The following GPATCH2 variants were observed in gnomAD, a reference collection of about 807,000 sequenced individuals.
GPATCH2 encodes the protein G patch domain-containing protein 2.
GPATCH2 carries 51 observed loss-of-function variants against 58.0 expected under a neutral mutation model. The observed-to-expected ratio is 0.88, with a 90% CI of 0.70 to 1.11. The LOEUF (loss-of-function observed/expected upper bound fraction) is 1.11. Ranked by LOEUF, GPATCH2 falls within the 50% of genes most tolerant of loss-of-function variation. The pLI, the probability that GPATCH2 is intolerant of heterozygous loss-of-function variation, is 0.00. For missense variants in GPATCH2, 625 were observed against 652.2 expected (o/e 0.96, Z 0.45); for synonymous variants, 222 against 218.5 (o/e 1.02, Z -0.14).
At chr1:217,597,428 AG>A (rs1437419475) in intron 5 of GPATCH2, among the ~76,000 whole-genome samples, 14 of 152,062 alleles carry the variant, frequency 9.2e-5, no homozygotes, top group Non-Finnish European at 2.1e-4. Context: ...TATATGCAAC[AG>A]GGTGGGGAGA....
chr1:217,485,550 T>G lies in GPATCH2; in HGVS notation c.1277+6130A>C, dbSNP rs144021060. ...AACTTTCTCCACTGACTTTGTAAATTGGTGAAAATCAGTTAGTTGTCTGTG... is the reference window on the plus strand; with the variant it reads ...AACTTTCTCCACTGACTTTGTAAATGGGTGAAAATCAGTTAGTTGTCTGTG... On this transcript the variant is annotated intron_variant, in intron 8 of 9. Coordinates refer to ENST00000366935, the MANE Select transcript of GPATCH2 (RefSeq NM_018040.5). Among the ~76,000 whole-genome samples, 16 of 152,190 alleles carry G rather than the reference T, an allele frequency of 1.1e-4. No individual in the cohort carries two copies. In the East Asian group the frequency reaches 3.1e-3, roughly 29 times the overall value.
intron 5 of GPATCH2, among the ~76,000 whole-genome samples, chr1:217,551,876 T>C (rs1270962797): frequency 1.3e-5 from 2 of 152,188 alleles, no homozygotes; most frequent in East Asian, 1.9e-4. Flanking sequence ...TAACTACATA[T>C]CATGTAACAT....
At chr1:217,444,135 C>T (rs193080985) in intron 9 of GPATCH2, among the ~76,000 whole-genome samples, 7 of 152,306 alleles carry the variant, frequency 4.6e-5, no homozygotes, top group Non-Finnish European at 7.4e-5. Context: ...GGTCACAAAT[C>T]TTCAGAGAGT....
intron 8 of GPATCH2, among the ~76,000 whole-genome samples, chr1:217,453,179 AGGTGAT>A (rs1659750575): frequency 6.6e-6 from 1 of 152,234 alleles, no homozygotes; most frequent in African/African-American, 2.4e-5. Context: ...ATACTACTCA[AGGTGAT>A]GGTCGGCATT....
chr1:217,621,851 C>T (rs1669205894), intron 1 of GPATCH2, among the ~76,000 whole-genome samples: 1 of 152,220 alleles, frequency 6.6e-6, no homozygotes, highest in South Asian at 2.1e-4. Context: ...CAGCTTCTAA[C>T]ATTTGCGCAT....
At chr1:217,617,155 T>C (rs1030360071) in intron 2 of GPATCH2, among the ~76,000 whole-genome samples, 1 of 152,218 alleles carries the variant, frequency 6.6e-6, no homozygotes, top group African/African-American at 2.4e-5. Context: ...CTATTTACCA[T>C]AGCAGATAGA....
chr1:217,453,018 A>G (rs1659743936), intron 8 of GPATCH2, among the ~76,000 whole-genome samples: 1 of 152,144 alleles, frequency 6.6e-6, no homozygotes. Flanking sequence ...TACAAATGAC[A>G]CTAAGTAAGG....
At chr1:217,603,414 C>A (rs1398183621) in intron 5 of GPATCH2, among the ~76,000 whole-genome samples, 2 of 152,050 alleles carry the variant, frequency 1.3e-5, no homozygotes, top group Non-Finnish European at 2.9e-5. Flanking sequence ...AACAAATATA[C>A]TACTGTATTG....
intron 5 of GPATCH2, among the ~76,000 whole-genome samples, chr1:217,582,529 C>A: frequency 6.6e-6 from 1 of 151,630 alleles, no homozygotes; most frequent in South Asian, 2.1e-4. Context: ...AGGCAATAAA[C>A]CCAAAAAAAT....
At chr1:217,446,767 T>TA (rs537302869) in intron 9 of GPATCH2, among the ~76,000 whole-genome samples, 9 of 152,028 alleles carry the variant, frequency 5.9e-5, no homozygotes, top group Admixed American at 1.3e-4. Context: ...TAAGCTTATA[T>TA]AAAAAAAACT....
rs1558532361 is a variant in GPATCH2 at position 217,620,059 on chromosome 1, C to T, written c.497G>A (p.Arg166His). Reference sequence around the variant, plus strand: ...GTCCTGTGGGAGATCTACTGCCATGCGTTTTACCTTTCTCCTCCTGCGCAG... The same window carrying T: ...GTCCTGTGGGAGATCTACTGCCATGTGTTTTACCTTTCTCCTCCTGCGCAG... ...RTLRRRRKVK[R>H]MAVDLPQDIS... The change falls in exon 2 of 10, where the codon CGC (arginine) becomes CAC (histidine). Residue 166 changes from arginine to histidine, a missense_variant. Coordinates refer to ENST00000366935, the MANE Select transcript of GPATCH2 (RefSeq NM_018040.5). 1.9e-6 allele frequency: 3 copies of T among 1,613,822 alleles called. No homozygotes were observed. Among genetic ancestry groups the T allele is most frequent in the Non-Finnish European group, 2.5e-6 (3 of 1,179,990 alleles).
At position 217,437,584 on chromosome 1, in the gene GPATCH2, A is replaced by C. The variant is rs2102530935; in HGVS notation, c.1367-6219T>G. On this transcript the variant is annotated intron_variant, in intron 9 of 9. Coordinates refer to ENST00000366935, the MANE Select transcript of GPATCH2 (RefSeq NM_018040.5). ...CGCCATTACTGAGGCTTGAGTAGGC[A>C]GATTTCCCCTCACAGTGTAAACAAA... is the stretch of plus-strand genomic sequence containing the variant. 2.6e-5 allele frequency among the ~76,000 whole-genome samples: 4 copies of C among 152,358 alleles called. No individual in the cohort carries two copies. The South Asian group carries it at 8.3e-4, about 32-fold the overall frequency.
chr1:217,431,233 A>C lies in GPATCH2; in HGVS notation c.1499T>G (p.Met500Arg). 1 of 1,611,550 alleles carries C rather than the reference A, an allele frequency of 6.2e-7. No homozygotes were observed. Among genetic ancestry groups the C allele is most frequent in the South Asian group, 1.1e-5 (1 of 91,056 alleles). The change falls in exon 10 of 10, where the codon ATG (methionine) becomes AGG (arginine). Residue 500 changes from methionine to arginine, a missense_variant. Met to Arg is a moderately conservative substitution (Grantham distance 91). Coordinates refer to ENST00000366935, the MANE Select transcript of GPATCH2 (RefSeq NM_018040.5). ...GKGISEPIQA[M>R]QRPKGLGLGF... ...AAGTCCTAATCCCTTTGGCCTCTGC[A>C]TGGCTTGAATTGGCTCAGAGATCCC... is the stretch of plus-strand genomic sequence containing the variant.
intron 5 of GPATCH2, among the ~76,000 whole-genome samples, chr1:217,526,373 T>C (rs1191009529): frequency 6.6e-6 from 1 of 152,108 alleles, no homozygotes; most frequent in Non-Finnish European, 1.5e-5. Flanking sequence ...ATACCATTAA[T>C]TGCACTAAAA....
At chr1:217,544,043 A>C (rs951523158) in intron 5 of GPATCH2, among the ~76,000 whole-genome samples, 1 of 152,188 alleles carries the variant, frequency 6.6e-6, no homozygotes, top group Non-Finnish European at 1.5e-5. Context: ...CTACCTTTAT[A>C]AAGTCTTAAA....
At chr1:217,472,468 A>AT (rs1227941525) in intron 8 of GPATCH2, among the ~76,000 whole-genome samples, 1 of 151,794 alleles carries the variant, frequency 6.6e-6, no homozygotes, top group Non-Finnish European at 1.5e-5. Flanking sequence ...CGCCGGGCTA[A>AT]TTTTTTTGTG....
At chr1:217,578,654 A>G (rs375836824) in intron 5 of GPATCH2, among the ~76,000 whole-genome samples, 1 of 152,166 alleles carries the variant, frequency 6.6e-6, no homozygotes, top group African/African-American at 2.4e-5. Context: ...ACTGTGTTTT[A>G]CTGACTGAAT....
intron 5 of GPATCH2, among the ~76,000 whole-genome samples, chr1:217,568,841 G>A (rs1666397116): frequency 6.6e-6 from 1 of 152,182 alleles, no homozygotes; most frequent in Admixed American, 6.5e-5. Flanking sequence ...GGTCACTCTA[G>A]CTGTTGTTTT....
chr1:217,564,342 C>A (rs2102699640), intron 5 of GPATCH2, among the ~76,000 whole-genome samples: 1 of 152,234 alleles, frequency 6.6e-6, no homozygotes, highest in African/African-American at 2.4e-5. Context: ...ATTATCTCTG[C>A]CAGCAAGATA....
Sources: allele counts gnomAD v4.1 joint callset (sites outside exome capture counted in the v4.1 genomes callset), GRCh38; gene constraint gnomAD v4.1.1; transcripts MANE v1.5; gene names NCBI Gene and HGNC (gene_info 2026-07-23, HGNC 2026-07-21).